YLPM1: variants seen among roughly 807,000 people sequenced by gnomAD.
YLPM1 encodes YLP motif containing 1.
YLPM1 carries 99 observed loss-of-function variants against 230.0 expected under a neutral mutation model. That is an observed-to-expected ratio of 0.43 (90% CI 0.37 to 0.51). The LOEUF (loss-of-function observed/expected upper bound fraction) is 0.51, where lower values mean the gene tolerates loss of function less well. Among genes scored for constraint, YLPM1 ranks in the 20% least tolerant of loss-of-function variants. The pLI is 0.00. For synonymous variants in YLPM1, 984 were observed against 942.5 expected (o/e 1.04, Z -0.81); for missense variants, 2,592 against 2,707.7 (o/e 0.96, Z 0.95).
At chr14:74,833,042 A>G (rs141001930) in intron 19 of YLPM1, among the ~76,000 whole-genome samples, 1,769 of 148,288 alleles carry the variant, frequency 0.012, 46 homozygotes, top group African/African-American at 0.042. Flanking sequence ...TCTTTATTCA[A>G]TGAGCCTTAC....
At chr14:74,794,141 G>T (rs1483187373) in intron 4 of YLPM1, among the ~76,000 whole-genome samples, 1 of 151,928 alleles carries the variant, frequency 6.6e-6, no homozygotes, top group Non-Finnish European at 1.5e-5. Context: ...TTTGTAAAAG[G>T]TCAACTTGGC....
chr14:74,775,332 A>G (rs1320671474), intron 1 of YLPM1, among the ~76,000 whole-genome samples: 1 of 152,202 alleles, frequency 6.6e-6, no homozygotes, highest in East Asian at 1.9e-4. Context: ...CCTAAGAAAA[A>G]TTACATTCTT....
chr14:74,764,477 T>G (rs2090891587), intron 1 of YLPM1, 115 bp downstream of exon 1: 2 of 1,309,978 alleles, frequency 1.5e-6, no homozygotes, highest in Non-Finnish European at 2.0e-6. Flanking sequence ...TAGCTAACAC[T>G]CCAAAGGATT....
At chr14:74,773,807 G>A (rs1408495244) in intron 1 of YLPM1, among the ~76,000 whole-genome samples, 20 of 128,686 alleles carry the variant, frequency 1.6e-4, no homozygotes, top group Admixed American at 3.7e-4. Context: ...TGCAACCTCC[G>A]CCTCCCAGGT....
Position 74,764,064 on chromosome 14 carries a change from C to T in YLPM1, c.575C>T (p.Ser192Leu), listed in dbSNP as rs749732011. 2.5e-6 allele frequency: 4 copies of T among 1,613,094 alleles called. No individual in the cohort carries two copies. Among genetic ancestry groups the T allele is most frequent in the African/African-American group, 2.7e-5 (2 of 74,722 alleles). The change falls in exon 1 of 21, where the codon TCG becomes TTG. Residue 192 changes from serine to leucine, a missense_variant. By Grantham distance (145) the Ser-to-Leu change is moderately radical. This residue lies in a region of YLPM1 where 1,862 missense variants were observed against 1,819.8 expected (regional missense o/e 1.02). Transcript: ENST00000325680. ...CTGCCTCCTGCTCAGCCGTCCCCTT[C>T]GCAGTCCCCACCTTCCCAATCCTAC... ...PYLPPAQPSP[S>L]QSPPSQSYLA... is the part of the protein sequence containing the mutation.
intron 11 of YLPM1, among the ~76,000 whole-genome samples, chr14:74,813,710 T>A (rs1386873660): frequency 1.3e-5 from 2 of 152,198 alleles, no homozygotes; most frequent in Non-Finnish European, 2.9e-5. Flanking sequence ...ACCCAAAAAG[T>A]GAACATAGTA....
In YLPM1 at chr14:74,781,639, A is replaced by C; in HGVS notation, c.1596A>C (p.Thr532=). 1 of 1,613,640 alleles carries C rather than the reference A, an allele frequency of 6.2e-7. No homozygotes were observed. Among genetic ancestry groups the C allele is most frequent in the African/African-American group, 1.3e-5 (1 of 74,902 alleles). ...PYSQMPPPLP[T]MPPPVLPPSL... ...CTCAGATGCCTCCACCTCTACCTAC[A>C]ATGCCCCCTCCAGTGTTGCCTCCTT... The change falls in exon 4 of 21, where the codon ACA becomes ACC. Residue 532 remains threonine, a synonymous_variant. Coordinates refer to ENST00000325680, the MANE Select transcript of YLPM1 (RefSeq NM_019589.3).
chr14:74,829,972 G>A (rs183797551), intron 19 of YLPM1, among the ~76,000 whole-genome samples: 5 of 152,318 alleles, frequency 3.3e-5, no homozygotes, highest in East Asian at 1.9e-4. Context: ...ATTTAAAACC[G>A]TGGGACTGAA....
At chr14:74,776,129 GT>G (rs138962436) in intron 1 of YLPM1, among the ~76,000 whole-genome samples, 20,065 of 152,104 alleles carry the variant, frequency 0.13, 1,518 homozygotes, top group South Asian at 0.3. Flanking sequence ...CACTCCTGTA[GT>G]TTTTTTCTGA....
At chr14:74,821,244 G>A (rs1412845643) in intron 17 of YLPM1, 107 bp downstream of exon 17, 2 of 1,375,936 alleles carry the variant, frequency 1.5e-6, no homozygotes, top group African/African-American at 3.0e-5. Context: ...ATACACTTTA[G>A]TGGTAAAAGT....
chr14:74,782,817 T>A (rs1363774883), intron 4 of YLPM1, among the ~76,000 whole-genome samples: 7 of 152,304 alleles, frequency 4.6e-5, no homozygotes, highest in African/African-American at 1.7e-4. Context: ...TTCCTGCTCT[T>A]GTACTTAGAG....
chr14:74,790,994 C>G (rs138081932), intron 4 of YLPM1, among the ~76,000 whole-genome samples: 5 of 152,140 alleles, frequency 3.3e-5, no homozygotes, highest in African/African-American at 1.2e-4. Context: ...GTAATCCTAG[C>G]GCTGTGGGAG....
At chr14:74,767,823 T>C (rs956562464) in intron 1 of YLPM1, among the ~76,000 whole-genome samples, 3 of 152,230 alleles carry the variant, frequency 2.0e-5, no homozygotes, top group African/African-American at 4.8e-5. Context: ...TCCACATTTT[T>C]TTTTTTTTTG....
intron 5 of YLPM1, among the ~76,000 whole-genome samples, chr14:74,802,048 C>T (rs531606861): frequency 6.6e-6 from 1 of 151,682 alleles, no homozygotes; most frequent in Non-Finnish European, 1.5e-5. Context: ...AACCCCGTCT[C>T]TACTAAAAAA....
At chr14:74,786,130 G>A (rs780867528) in intron 4 of YLPM1, among the ~76,000 whole-genome samples, 2 of 152,036 alleles carry the variant, frequency 1.3e-5, no homozygotes, top group East Asian at 1.9e-4. Context: ...GGGAGGCTGA[G>A]GGGGGAGCGG....
chr14:74,821,563 G>A (rs1367550143), intron 17 of YLPM1: 1 of 152,798 alleles, frequency 6.5e-6, no homozygotes. Context: ...CTTATTGAAT[G>A]GGGAGGCAGA....
In YLPM1 at chr14:74,782,195, C is replaced by G; in HGVS notation, c.2152C>G (p.Gln718Glu). 6.2e-7 allele frequency: 1 copy of G among 1,608,068 alleles called. No homozygotes were observed. The highest frequency in any genetic ancestry group is 8.5e-7 in the Non-Finnish European group (1 of 1,179,710). The change falls in exon 4 of 21, where the codon CAA (glutamine) becomes GAA (glutamate). Residue 718 changes from glutamine to glutamate, a missense_variant. Gln to Glu is a conservative substitution (Grantham distance 29). This residue lies in a region of YLPM1 where 1,862 missense variants were observed against 1,819.8 expected (regional missense o/e 1.02). Coordinates refer to ENST00000325680, the MANE Select transcript of YLPM1 (RefSeq NM_019589.3). ...ALPYSSFSSD[Q>E]GLGESSAAPS... is the part of the protein sequence containing the mutation. ...GCCATACAGTTCATTCTCATCTGATCAAGGACTTGGGGAGTCTTCAGCTGC... is the reference window on the plus strand; with the variant it reads ...GCCATACAGTTCATTCTCATCTGATGAAGGACTTGGGGAGTCTTCAGCTGC...
At chr14:74,773,711 CTTTTTTT>C (rs766885242) in intron 1 of YLPM1, among the ~76,000 whole-genome samples, 11 of 60,562 alleles carry the variant, frequency 1.8e-4, no homozygotes, top group East Asian at 9.6e-4. Flanking sequence ...TGTTTTCTTT[CTTTTTTT>C]TTTTTTTTTT....
chr14:74,766,559 T>A (rs190761563), intron 1 of YLPM1, among the ~76,000 whole-genome samples: 277 of 152,006 alleles, frequency 1.8e-3, no homozygotes, highest in Non-Finnish European at 2.5e-3. Flanking sequence ...TAGTCTCAGT[T>A]CACTGCAACC....
Sources: allele counts gnomAD v4.1 joint callset (sites outside exome capture counted in the v4.1 genomes callset), GRCh38; gene constraint gnomAD v4.1.1; regional missense constraint gnomAD v4.1.1; transcripts MANE v1.5; gene names NCBI Gene and HGNC (gene_info 2026-07-23, HGNC 2026-07-21).